PIK3C2G: variants seen among roughly 807,000 people sequenced by gnomAD.
The protein encoded by PIK3C2G is phosphatidylinositol-4-phosphate 3-kinase catalytic subunit type 2 gamma, also known as phosphatidylinositol 3-kinase C2 domain-containing subunit gamma.
Under a neutral mutation model 181.1 loss-of-function variants are expected in PIK3C2G, and 168 were observed. That is an observed-to-expected ratio of 0.93 (90% confidence interval 0.82 to 1.05). The LOEUF is 1.05. PIK3C2G is among the 50% of genes least tolerant of loss of function. PIK3C2G has a pLI of 0.00. For missense variants in PIK3C2G, 1,869 were observed against 1,732.8 expected (o/e 1.08, Z -1.40); for synonymous variants, 573 against 592.2 (o/e 0.97, Z 0.47).
At chr12:18,719,326 A>G in the PIK3C2G span, 46 of 585,942 alleles carry the variant, frequency 7.9e-5, no homozygotes, top group African/African-American at 8.1e-4. Context: ...TTTGGATAAC[A>G]TGGAGAGTCT....
chr12:18,600,503 A>G (rs1947651564), intron 30 of PIK3C2G, among the ~76,000 whole-genome samples: 1 of 152,092 alleles, frequency 6.6e-6, no homozygotes. Context: ...GTTAGAACAA[A>G]GAAAACACTG....
At chr12:18,272,381 T>G (rs1948779955) in intron 1 of PIK3C2G, among the ~76,000 whole-genome samples, 2 of 152,166 alleles carry the variant, frequency 1.3e-5, no homozygotes, top group Admixed American at 1.3e-4. Flanking sequence ...AGTTTTGAAT[T>G]CTTTATCAGG....
intron 1 of PIK3C2G, among the ~76,000 whole-genome samples, chr12:18,252,316 G>T (rs1948103040): frequency 6.6e-6 from 1 of 152,060 alleles, no homozygotes; most frequent in Non-Finnish European, 1.5e-5. Flanking sequence ...TATATTCTCT[G>T]TCAGACAAAT....
chr12:18,546,224 G>A (rs1378304867), intron 25 of PIK3C2G, 99 bp from the exon 26 acceptor site: 2 of 693,342 alleles, frequency 2.9e-6, no homozygotes, highest in Admixed American at 5.0e-5. Flanking sequence ...ATGCAAACTT[G>A]GGTCTAGATG....
chr12:18,553,647 T>C (rs1313790403), intron 26 of PIK3C2G, among the ~76,000 whole-genome samples: 1 of 152,014 alleles, frequency 6.6e-6, no homozygotes, highest in East Asian at 1.9e-4. Flanking sequence ...ATATCTAAAC[T>C]GTAAAGCAGG....
chr12:18,501,807 C>T (rs192584022), intron 22 of PIK3C2G, among the ~76,000 whole-genome samples: 8 of 152,192 alleles, frequency 5.3e-5, no homozygotes, highest in Admixed American at 2.0e-4. Context: ...CCTAGATCAA[C>T]GTAGTTGGAA....
intron 9 of PIK3C2G, among the ~76,000 whole-genome samples, chr12:18,341,515 G>A (rs563198244): frequency 6.6e-5 from 10 of 152,224 alleles, no homozygotes; most frequent in African/African-American, 2.4e-4. Flanking sequence ...TTTAATATAT[G>A]TCAATAGACA....
the PIK3C2G span, among the ~76,000 whole-genome samples, chr12:18,653,994 A>T: frequency 6.6e-6 from 1 of 152,110 alleles, no homozygotes; most frequent in Non-Finnish European, 1.5e-5. Context: ...TGAGTAGCTT[A>T]AAAAAGAGCC....
At chr12:18,327,180 G>A (rs1456420368) in intron 8 of PIK3C2G, among the ~76,000 whole-genome samples, 1 of 152,004 alleles carries the variant, frequency 6.6e-6, no homozygotes, top group Non-Finnish European at 1.5e-5. Flanking sequence ...TTTTCCAGAT[G>A]AACTCAATCC....
the PIK3C2G span, among the ~76,000 whole-genome samples, chr12:18,679,164 T>C: frequency 6.6e-6 from 1 of 152,126 alleles, no homozygotes; most frequent in Admixed American, 6.6e-5. Context: ...TGCCCATTTT[T>C]CTTACTGGGT....
At chr12:18,349,601 A>T (rs971607578) in intron 11 of PIK3C2G, among the ~76,000 whole-genome samples, 1 of 152,212 alleles carries the variant, frequency 6.6e-6, no homozygotes, top group African/African-American at 2.4e-5. Flanking sequence ...TTAAGAACTC[A>T]TTCATATTTA....
chr12:18,645,237 T>C (rs1037949828), intron 32 of PIK3C2G, among the ~76,000 whole-genome samples: 4 of 152,160 alleles, frequency 2.6e-5, no homozygotes, highest in Admixed American at 1.3e-4. Context: ...AATATAATCA[T>C]CTCTGTACTT....
chr12:18,542,713 C>G (rs1944225875), intron 25 of PIK3C2G, among the ~76,000 whole-genome samples: 1 of 151,746 alleles, frequency 6.6e-6, no homozygotes, highest in East Asian at 1.9e-4. Context: ...TCCAGCTCCA[C>G]CCATGTTCCA....
intron 10 of PIK3C2G, 99 bp from the exon 11 acceptor site, chr12:18,346,542 T>A (rs1939685358): frequency 1.5e-6 from 1 of 673,808 alleles, no homozygotes; most frequent in South Asian, 2.3e-5. Context: ...TAATTAAAAT[T>A]ATTGAAATTG....
At chr12:18,323,781 C>T (rs1488145862) in intron 7 of PIK3C2G, among the ~76,000 whole-genome samples, 1 of 152,152 alleles carries the variant, frequency 6.6e-6, no homozygotes, top group African/African-American at 2.4e-5. Flanking sequence ...TCTTTTATGA[C>T]TCAACTTCCT....
chr12:18,392,690 C>T (rs559778307), intron 15 of PIK3C2G, among the ~76,000 whole-genome samples: 1 of 152,158 alleles, frequency 6.6e-6, no homozygotes, highest in South Asian at 2.1e-4. Context: ...AAGCTATTAT[C>T]CTGCCCACTC....
chr12:18,711,401 G>A, the PIK3C2G span, among the ~76,000 whole-genome samples: 1 of 105,180 alleles, frequency 9.5e-6, no homozygotes, highest in Non-Finnish European at 1.9e-5. Context: ...GGGGGAGGGG[G>A]GAGGGATAGC....
At chr12:18,614,148 C>T (rs1011248197) in intron 31 of PIK3C2G, among the ~76,000 whole-genome samples, 3 of 151,900 alleles carry the variant, frequency 2.0e-5, no homozygotes, top group South Asian at 2.1e-4. Context: ...TAATAACAAT[C>T]GTCTTATCAA....
At chr12:18,378,868 G>A (rs1217619540) in intron 13 of PIK3C2G, among the ~76,000 whole-genome samples, 1 of 152,128 alleles carries the variant, frequency 6.6e-6, no homozygotes, top group African/African-American at 2.4e-5. Context: ...GAAACAACAG[G>A]TGCTGGAGAG....
Sources: allele counts gnomAD v4.1 joint callset (sites outside exome capture counted in the v4.1 genomes callset), GRCh38; gene constraint gnomAD v4.1.1; transcripts MANE v1.5; gene names NCBI Gene and HGNC (gene_info 2026-07-23, HGNC 2026-07-21).